The following TMEM132B variants were observed in gnomAD, a reference collection of about 807,000 sequenced individuals.
The protein encoded by TMEM132B is transmembrane protein 132B.
Under a neutral mutation model 90.8 loss-of-function variants are expected in TMEM132B, and 18 were observed. That is an observed-to-expected ratio of 0.20 (90% CI 0.14 to 0.29). The LOEUF (loss-of-function observed/expected upper bound fraction) is 0.29, where lower values mean the gene tolerates loss of function less well. TMEM132B is among the 10% of genes least tolerant of loss of function. TMEM132B has a pLI of 1.00. For missense variants in TMEM132B, 1,096 were observed against 1,326.8 expected, an observed-to-expected ratio of 0.83 and a Z score of 2.70; for synonymous variants, 504 against 523.3, an observed-to-expected ratio of 0.96 and a Z score of 0.50.
chr12:125,430,258 C>T (rs991905335), intron 3 of TMEM132B, among the ~76,000 whole-genome samples: 10 of 152,284 alleles, frequency 6.6e-5, no homozygotes, highest in African/African-American at 1.7e-4. Context: ...GTGGGGTTGT[C>T]GGGTGAGCGC....
intron 3 of TMEM132B, among the ~76,000 whole-genome samples, chr12:125,440,195 A>G (rs983411531): frequency 2.0e-5 from 3 of 152,076 alleles, no homozygotes; most frequent in African/African-American, 7.2e-5. Context: ...ATTTTTCTGG[A>G]AGCTAGTTGT....
intron 5 of TMEM132B, among the ~76,000 whole-genome samples, chr12:125,591,612 T>G (rs372295573): frequency 6.6e-6 from 1 of 152,088 alleles, no homozygotes; most frequent in East Asian, 1.9e-4. Context: ...CCAATAGAAA[T>G]TTGTCCTTTC....
chr12:125,324,030 T>C lies in TMEM132B; in HGVS notation c.68-25422T>C, dbSNP rs74874100. On this transcript the variant is annotated intron_variant, in intron 1 of 8. Coordinates refer to ENST00000682704, the MANE Select transcript of TMEM132B (RefSeq NM_001366854.1). ...TGAAATTTCCTTAGAAACACACACA[T>C]ACACACACACAACGGGGGCAGGGAA... Among the ~76,000 whole-genome samples the C allele has an allele frequency of 2.9e-3, 443 of 151,678 alleles. 3 individuals are homozygous for C. The highest frequency in any genetic ancestry group is 0.01 in the African/African-American group (423 of 41,402).
intron 1 of TMEM132B, among the ~76,000 whole-genome samples, chr12:125,198,185 G>A (rs2136054683): frequency 6.6e-6 from 1 of 152,310 alleles, no homozygotes; most frequent in Non-Finnish European, 1.5e-5. Flanking sequence ...ATGTGATGCT[G>A]CAATGGAGAT....
At chr12:125,431,583 C>T (rs1417838739) in intron 3 of TMEM132B, among the ~76,000 whole-genome samples, 1 of 152,150 alleles carries the variant, frequency 6.6e-6, no homozygotes, top group Non-Finnish European at 1.5e-5. Flanking sequence ...TTCCTGTGGG[C>T]CACGGCTGCT....
intron 4 of TMEM132B, among the ~76,000 whole-genome samples, chr12:125,554,307 C>G (rs753377801): frequency 1.3e-5 from 2 of 151,124 alleles, no homozygotes; most frequent in Non-Finnish European, 2.9e-5. Context: ...CGCCTGTAGT[C>G]CCAGCTACTT....
intron 1 of TMEM132B, among the ~76,000 whole-genome samples, chr12:125,330,109 G>T (rs1032021627): frequency 6.6e-6 from 1 of 152,196 alleles, no homozygotes; most frequent in Non-Finnish European, 1.5e-5. Flanking sequence ...CACGGGATGC[G>T]TGTGGTGTGG....
intron 4 of TMEM132B, among the ~76,000 whole-genome samples, chr12:125,578,855 T>C (rs1194696556): frequency 6.6e-6 from 1 of 152,210 alleles, no homozygotes; most frequent in Non-Finnish European, 1.5e-5. Context: ...ATTTTTGTCT[T>C]GCTGTTTTCA....
At chr12:125,457,871 T>C (rs963243648) in intron 3 of TMEM132B, among the ~76,000 whole-genome samples, 6 of 151,852 alleles carry the variant, frequency 4.0e-5, no homozygotes, top group African/African-American at 1.5e-4. Flanking sequence ...TCCAGGTGAG[T>C]GTGATGGGAG....
chr12:125,251,829 T>A lies in TMEM132B; in HGVS notation c.67+64963T>A, dbSNP rs1874323715. On this transcript the variant is annotated intron_variant, in intron 1 of 8. Coordinates refer to ENST00000682704, the MANE Select transcript of TMEM132B (RefSeq NM_001366854.1). This position sits in a 1 kb window ranked among gnomAD's most constrained non-coding sequence, Gnocchi z 4.4. ...TGTGAAATTTCCCAAGTTTATAACG[T>A]TAATAATCATAATTTTAAAAATATC... Among the ~76,000 whole-genome samples, 2 of 152,282 alleles carry A rather than the reference T, an allele frequency of 1.3e-5. No individual in the cohort carries two copies. The highest frequency in any genetic ancestry group is 1.3e-4 in the Admixed American group (2 of 15,292).
At chr12:125,569,060 C>T (rs1169151899) in intron 4 of TMEM132B, among the ~76,000 whole-genome samples, 2 of 152,138 alleles carry the variant, frequency 1.3e-5, no homozygotes, top group Non-Finnish European at 2.9e-5. Context: ...GTTTCCTCTT[C>T]TGTAAAGTGG....
At chr12:125,303,013 C>G (rs563292960) in intron 1 of TMEM132B, among the ~76,000 whole-genome samples, 1 of 152,158 alleles carries the variant, frequency 6.6e-6, no homozygotes, top group Admixed American at 6.5e-5. Flanking sequence ...AGGAGAATCG[C>G]TTGAACCCAG....
chr12:125,385,776 A>G (rs867445489), intron 2 of TMEM132B, among the ~76,000 whole-genome samples: 4 of 152,316 alleles, frequency 2.6e-5, no homozygotes, highest in Middle Eastern at 3.4e-3. Context: ...AGTGTTACAT[A>G]ATATTTCTCA....
rs1881351489 is a variant in TMEM132B at position 125,458,405 on chromosome 12, C to T, written c.1106+42728C>T. 1.3e-5 allele frequency among the ~76,000 whole-genome samples: 2 copies of T among 152,186 alleles called. No individual in the cohort carries two copies. Among genetic ancestry groups the T allele is most frequent in the South Asian group, 4.1e-4 (2 of 4,822 alleles). On this transcript the variant is annotated intron_variant, in intron 3 of 8. Coordinates refer to ENST00000682704, the MANE Select transcript of TMEM132B (RefSeq NM_001366854.1). The surrounding 1 kb of genome is among the most constrained non-coding windows in gnomAD (Gnocchi z 4.9). The stretch of plus-strand genomic sequence containing the variant: ...ACCAGGAAACAGCAGTTTTCAGACA[C>T]TAAGCAGGCAGCACAGGTCTGTGAT...
At chr12:125,361,356 A>G (rs1410444254) in intron 2 of TMEM132B, among the ~76,000 whole-genome samples, 2 of 152,170 alleles carry the variant, frequency 1.3e-5, no homozygotes, top group Non-Finnish European at 2.9e-5. Flanking sequence ...ACCCTAACCC[A>G]GATCGGCCCA....
Position 125,505,331 on chromosome 12 carries a change from A to G in TMEM132B, c.1107-14108A>G, listed in dbSNP as rs777717533. ...CTCCTACTGAAAGGAAAGACATGAA[A>G]TGGAGAAAAATAGAAACTACAAAAA... On this transcript the variant is annotated intron_variant, in intron 3 of 8. Coordinates refer to ENST00000682704, the MANE Select transcript of TMEM132B (RefSeq NM_001366854.1). Among the ~76,000 whole-genome samples the G allele has an allele frequency of 6.6e-5, 10 of 152,150 alleles. No homozygotes were observed. The East Asian group carries it at 9.6e-4, about 15-fold the overall frequency.
chr12:125,352,631 CA>C (rs1877626955), intron 2 of TMEM132B, among the ~76,000 whole-genome samples: 1 of 152,214 alleles, frequency 6.6e-6, no homozygotes, highest in Admixed American at 6.5e-5. Flanking sequence ...TGTGAGTCCT[CA>C]GTGAATGTTA....
chr12:125,589,452 A>G lies in TMEM132B; in HGVS notation c.1437+5458A>G, dbSNP rs11835021. ...AGCCAAGATTGCGCCACTGCACCCC[A>G]GCCCGGGTGACAGAGCGAGACTCCG... On this transcript the variant is annotated intron_variant, in intron 5 of 8. Coordinates refer to ENST00000682704, the MANE Select transcript of TMEM132B (RefSeq NM_001366854.1). 8.0e-3 allele frequency among the ~76,000 whole-genome samples: 995 copies of G among 124,082 alleles called. 9 individuals carry two copies. The highest frequency in any genetic ancestry group is 0.029 in the African/African-American group (962 of 32,734). 81.4% of individuals were successfully genotyped at this position (124,082 alleles called of 152,430 possible). A position where few individuals can be genotyped will look rare whatever the true frequency, so the allele number is the denominator to read the frequency against.
At chr12:125,495,371 G>A (rs544341082) in intron 3 of TMEM132B, among the ~76,000 whole-genome samples, 5 of 145,610 alleles carry the variant, frequency 3.4e-5, no homozygotes, top group South Asian at 2.2e-4. Flanking sequence ...GGAAATGGCC[G>A]TGTCCCTCCA....
Sources: allele counts gnomAD v4.1 joint callset (sites outside exome capture counted in the v4.1 genomes callset), GRCh38; gene constraint gnomAD v4.1.1; non-coding constraint Gnocchi (gnomAD v3.1); transcripts MANE v1.5; gene names NCBI Gene and HGNC (gene_info 2026-07-23, HGNC 2026-07-21).